Variants in DLG2 observed in about 807,000 individuals in gnomAD.
DLG2 encodes discs large MAGUK scaffold protein 2.
In DLG2, 45 loss-of-function variants were observed where a neutral mutation model predicts 132.5. That is an observed-to-expected ratio of 0.34 (90% CI 0.27 to 0.44). The LOEUF is 0.44. DLG2 is among the 20% of genes least tolerant of loss of function. The pLI, the probability that DLG2 is intolerant of heterozygous loss-of-function variation, is 1.00. For missense variants in DLG2, 1,045 were observed against 1,196.9 expected, an observed-to-expected ratio of 0.87 and a Z score of 1.87; for synonymous variants, 424 against 419.6, an observed-to-expected ratio of 1.01 and a Z score of -0.13.
chr11:84,303,151 C>T (rs905465024), intron 7 of DLG2, among the ~76,000 whole-genome samples: 23 of 152,026 alleles, frequency 1.5e-4, no homozygotes, highest in African/African-American at 5.3e-4. Flanking sequence ...AAGTTGGAAA[C>T]ATATTTTTAA....
chr11:83,860,976 C>T (rs1291446995), intron 16 of DLG2, among the ~76,000 whole-genome samples: 2 of 152,172 alleles, frequency 1.3e-5, no homozygotes, highest in Non-Finnish European at 2.9e-5. Context: ...TCCTTGCCTT[C>T]CACCATGATT....
intron 5 of DLG2, among the ~76,000 whole-genome samples, chr11:85,123,017 G>A (rs1348417701): frequency 8.5e-5 from 8 of 94,400 alleles, no homozygotes; most frequent in South Asian, 9.6e-4. Context: ...TCGCTCTGTC[G>A]CCCAAGCTGG....
intron 15 of DLG2, among the ~76,000 whole-genome samples, chr11:83,917,421 T>C (rs2154117497): frequency 6.6e-6 from 1 of 152,216 alleles, no homozygotes; most frequent in South Asian, 2.1e-4. Flanking sequence ...ATGGTGAAAC[T>C]TCTCCAGAGC....
chr11:84,857,795 G>A (rs1472595277), intron 6 of DLG2, among the ~76,000 whole-genome samples: 1 of 151,902 alleles, frequency 6.6e-6, no homozygotes, highest in African/African-American at 2.4e-5. Flanking sequence ...TCTTTGGCCT[G>A]TTGTTTGGAT....
intron 7 of DLG2, among the ~76,000 whole-genome samples, chr11:84,345,255 T>C (rs1271528619): frequency 6.6e-6 from 1 of 152,348 alleles, no homozygotes; most frequent in East Asian, 1.9e-4. Context: ...CAGCAATTTG[T>C]ATGTGAAACA....
chr11:84,619,287 T>C (rs547801557), intron 6 of DLG2, among the ~76,000 whole-genome samples: 2 of 151,764 alleles, frequency 1.3e-5, no homozygotes, highest in South Asian at 4.2e-4. Context: ...TGTAAATAGG[T>C]GGGTTGGAAT....
intron 6 of DLG2, among the ~76,000 whole-genome samples, chr11:84,648,684 A>T (rs1363177240): frequency 1.3e-5 from 2 of 151,932 alleles, no homozygotes; most frequent in African/African-American, 4.8e-5. Context: ...TATTGAAAAG[A>T]GCTTGGCATA....
chr11:85,247,598 C>A lies in DLG2; in HGVS notation c.186+37622G>T, dbSNP rs112285142. Among the ~76,000 whole-genome samples, 1,395 of 151,988 alleles carry A rather than the reference C, an allele frequency of 9.2e-3. 28 individuals carry two copies. Among genetic ancestry groups the A allele is most frequent in the African/African-American group, 0.032 (1,324 of 41,472 alleles). ...ATTATTCAATTTTCTTGTTGCTAGT[C>A]TACAGGCAACAGAGGAGCTTTCCAA... On this transcript the variant is annotated intron_variant, in intron 4 of 27. Transcript: ENST00000376104.
chr11:85,598,008 TAA>T (rs150418411), intron 3 of DLG2, among the ~76,000 whole-genome samples: 3 of 139,010 alleles, frequency 2.2e-5, no homozygotes, highest in South Asian at 2.3e-4. Flanking sequence ...GAGATGTATA[TAA>T]AAAAAAATAT....
At chr11:84,002,742 T>C (rs2094414220) in intron 11 of DLG2, among the ~76,000 whole-genome samples, 1 of 152,170 alleles carries the variant, frequency 6.6e-6, no homozygotes, top group Non-Finnish European at 1.5e-5. Context: ...GGGGTTGCCA[T>C]GAAGATGTCC....
At chr11:83,782,746 G>A (rs1369617215) in intron 18 of DLG2, among the ~76,000 whole-genome samples, 10 of 152,108 alleles carry the variant, frequency 6.6e-5, no homozygotes, top group Admixed American at 6.6e-4. Flanking sequence ...AGTGGGGTGA[G>A]TTGGCTGGGA....
chr11:85,572,274 T>C (rs977781074), intron 3 of DLG2, among the ~76,000 whole-genome samples: 2 of 152,184 alleles, frequency 1.3e-5, no homozygotes, highest in Non-Finnish European at 2.9e-5. Flanking sequence ...TAGAGATTTA[T>C]AGTTTTCATC....
At chr11:84,758,373 T>C (rs1177848479) in intron 6 of DLG2, among the ~76,000 whole-genome samples, 1 of 152,226 alleles carries the variant, frequency 6.6e-6, no homozygotes, top group Non-Finnish European at 1.5e-5. Flanking sequence ...GACAAACTAT[T>C]TGCCCTCATC....
chr11:84,609,502 T>G (rs1240328797), intron 6 of DLG2, among the ~76,000 whole-genome samples: 3 of 152,148 alleles, frequency 2.0e-5, no homozygotes, highest in African/African-American at 7.2e-5. Context: ...TGCTATCTGA[T>G]GAACTCCAGT....
chr11:83,477,668 T>C (rs2092722030), intron 22 of DLG2, among the ~76,000 whole-genome samples: 1 of 152,066 alleles, frequency 6.6e-6, no homozygotes, highest in Admixed American at 6.6e-5. Flanking sequence ...TTTAGCCATT[T>C]TGTTCCCAGA....
chr11:84,996,860 T>A (rs1479853327), intron 6 of DLG2, among the ~76,000 whole-genome samples: 3 of 152,162 alleles, frequency 2.0e-5, no homozygotes, highest in Non-Finnish European at 4.4e-5. Flanking sequence ...CATCAGAGCG[T>A]CTTGCAGCTG....
chr11:85,210,948 C>T (rs1321449956), intron 4 of DLG2, among the ~76,000 whole-genome samples: 1 of 152,060 alleles, frequency 6.6e-6, no homozygotes, highest in African/African-American at 2.4e-5. Context: ...TCACAGGTAT[C>T]TCCCCCTTTA....
intron 8 of DLG2, among the ~76,000 whole-genome samples, chr11:84,169,212 G>T (rs2095754050): frequency 6.6e-6 from 1 of 152,136 alleles, no homozygotes; most frequent in Non-Finnish European, 1.5e-5. Flanking sequence ...AGTGATTAAA[G>T]AAATTTTAGC....
At chr11:84,843,618 T>A (rs910017290) in intron 6 of DLG2, among the ~76,000 whole-genome samples, 1 of 151,900 alleles carries the variant, frequency 6.6e-6, no homozygotes, top group African/African-American at 2.4e-5. Flanking sequence ...TAAAATGGTA[T>A]AGTATTTGCA....
Sources: allele counts gnomAD v4.1 joint callset (sites outside exome capture counted in the v4.1 genomes callset), GRCh38; gene constraint gnomAD v4.1.1; transcripts MANE v1.5; gene names NCBI Gene and HGNC (gene_info 2026-07-23, HGNC 2026-07-21).